Variants in IQCM observed in about 807,000 individuals in gnomAD.
IQCM encodes IQ motif containing M.
IQCM carries 45 observed loss-of-function variants against 57.6 expected under a neutral mutation model. The observed-to-expected ratio is 0.78, with a 90% CI of 0.62 to 1.00. IQCM has a LOEUF of 1.00. Ranked by LOEUF, IQCM falls within the 50% of genes least tolerant of loss-of-function variation. The probability of loss-of-function intolerance (pLI) is 0.00; values close to 1 mark genes in which losing one functional copy is unlikely to be tolerated. For synonymous variants in IQCM, 148 were observed against 158.9 expected, an observed-to-expected ratio of 0.93 and a Z score of 0.51; for missense variants, 468 against 511.6, an observed-to-expected ratio of 0.91 and a Z score of 0.82.
chr4:149,646,723 C>T (rs538871809), intron 7 of IQCM, among the ~76,000 whole-genome samples: 50 of 152,288 alleles, frequency 3.3e-4, no homozygotes, highest in Non-Finnish European at 6.0e-4. Context: ...GTGGCTCACG[C>T]CTGTAATCCC....
chr4:149,634,678 A>G (rs1003245755), intron 7 of IQCM, among the ~76,000 whole-genome samples: 2 of 152,222 alleles, frequency 1.3e-5, no homozygotes, highest in African/African-American at 4.8e-5. Flanking sequence ...GCAAAAAAAG[A>G]TGTAACAAAC....
At chr4:149,800,586 T>C (rs1008820178) in intron 2 of IQCM, among the ~76,000 whole-genome samples, 3 of 151,876 alleles carry the variant, frequency 2.0e-5, no homozygotes, top group Non-Finnish European at 4.4e-5. Flanking sequence ...AACCTTATAT[T>C]TGGAAAAACC....
intron 3 of IQCM, among the ~76,000 whole-genome samples, 186 bp from the exon 4 acceptor site, chr4:149,735,644 GA>G (rs1171453121): frequency 2.0e-5 from 3 of 152,002 alleles, no homozygotes; most frequent in Non-Finnish European, 4.4e-5. Flanking sequence ...CTTCAGTCCA[GA>G]AAAAACAAAG....
chr4:149,790,168 T>C, intron 2 of IQCM: 1 of 483,858 alleles, frequency 2.1e-6, no homozygotes, highest in South Asian at 4.1e-5. Flanking sequence ...TGAAAGAACA[T>C]GAAGAGAAAG....
chr4:149,526,549 T>C (rs1006522773), intron 12 of IQCM, among the ~76,000 whole-genome samples: 15 of 152,074 alleles, frequency 9.9e-5, no homozygotes, highest in African/African-American at 2.2e-4. Flanking sequence ...GCAGCCTGCT[T>C]ACATTACACA....
At chr4:149,381,739 ATGTATGT>A (rs1221824061) in intron 13 of IQCM, among the ~76,000 whole-genome samples, 2 of 151,492 alleles carry the variant, frequency 1.3e-5, no homozygotes, top group African/African-American at 4.9e-5. Flanking sequence ...GTATGTATGT[ATGTATGT>A]ATGTATGTAT....
At chr4:149,555,109 C>T (rs1472249071) in intron 10 of IQCM, among the ~76,000 whole-genome samples, 2 of 152,060 alleles carry the variant, frequency 1.3e-5, no homozygotes, top group Admixed American at 1.3e-4. Flanking sequence ...TACTACCCTC[C>T]TCTTCTCCTT....
chr4:149,683,333 A>C (rs1294132617), intron 6 of IQCM, among the ~76,000 whole-genome samples: 1 of 151,286 alleles, frequency 6.6e-6, no homozygotes, highest in Non-Finnish European at 1.5e-5. Context: ...AAAATTATAT[A>C]AATCTTACAT....
At position 149,797,721 on chromosome 4, in the gene IQCM, G is replaced by A. The variant is rs138530599; in HGVS notation, c.-49+17590C>T. Among the ~76,000 whole-genome samples, 810 of 151,746 alleles carry A rather than the reference G, an allele frequency of 5.3e-3. 6 individuals are homozygous for A. Among genetic ancestry groups the A allele is most frequent in the African/African-American group, 0.018 (752 of 41,408 alleles). ...ATAACATATAATAGAGGTGTAATAC[G>A]TCTAGCAGCAGACTTTTCAATGGAA... On this transcript the variant is annotated intron_variant, in intron 2 of 13. Transcript: ENST00000636793.
intron 2 of IQCM, among the ~76,000 whole-genome samples, chr4:149,755,782 G>A (rs542880879): frequency 1.3e-5 from 2 of 152,282 alleles, no homozygotes; most frequent in South Asian, 4.1e-4. Flanking sequence ...TGCACTTGAA[G>A]TTGAAGTATG....
At chr4:149,462,406 T>A (rs1277271832) in intron 12 of IQCM, among the ~76,000 whole-genome samples, 1 of 152,188 alleles carries the variant, frequency 6.6e-6, no homozygotes, top group African/African-American at 2.4e-5. Context: ...AAGCCCACTG[T>A]CCTCTTGTCC....
At chr4:149,392,189 T>C (rs1220935703) in intron 13 of IQCM, among the ~76,000 whole-genome samples, 3 of 151,966 alleles carry the variant, frequency 2.0e-5, no homozygotes, top group Non-Finnish European at 4.4e-5. Context: ...TAGATATTCT[T>C]TTTGGCAAAA....
At chr4:149,601,380 C>T (rs546475450) in intron 8 of IQCM, among the ~76,000 whole-genome samples, 15 of 152,078 alleles carry the variant, frequency 9.9e-5, no homozygotes, top group Non-Finnish European at 2.1e-4. Context: ...AACAATGACA[C>T]AATGAAACAA....
intron 5 of IQCM, among the ~76,000 whole-genome samples, chr4:149,700,766 C>T (rs2149812424): frequency 6.6e-6 from 1 of 152,086 alleles, no homozygotes; most frequent in Admixed American, 6.6e-5. Context: ...GTGAGTGATA[C>T]TTCTGACCAT....
intron 7 of IQCM, among the ~76,000 whole-genome samples, chr4:149,624,147 AGTGTGTGTGTGT>A (rs34626095): frequency 6.9e-6 from 1 of 144,574 alleles, no homozygotes; most frequent in Non-Finnish European, 1.5e-5. Context: ...ATGTGCCCCA[AGTGTGTGTGTGT>A]GTGTGTGTGT....
At chr4:149,457,655 T>C (rs1737840616) in intron 12 of IQCM, among the ~76,000 whole-genome samples, 1 of 152,028 alleles carries the variant, frequency 6.6e-6, no homozygotes, top group African/African-American at 2.4e-5. Flanking sequence ...TACAGAAGTA[T>C]GATCAAAATA....
intron 8 of IQCM, among the ~76,000 whole-genome samples, chr4:149,589,451 G>T (rs967664306): frequency 1.3e-5 from 2 of 151,950 alleles, no homozygotes; most frequent in African/African-American, 4.8e-5. Flanking sequence ...AAGATGAAAC[G>T]TGGAAGAAAG....
At chr4:149,813,023 C>G (rs1333218466) in intron 2 of IQCM, among the ~76,000 whole-genome samples, 1 of 152,146 alleles carries the variant, frequency 6.6e-6, no homozygotes, top group Non-Finnish European at 1.5e-5. Context: ...CCTCGGTGAA[C>G]TTTTTCATTG....
intron 12 of IQCM, among the ~76,000 whole-genome samples, chr4:149,465,459 T>A (rs1406261062): frequency 6.6e-6 from 1 of 152,148 alleles, no homozygotes; most frequent in African/African-American, 2.4e-5. Context: ...AACTGCATTC[T>A]AAGTACACAA....
Sources: allele counts gnomAD v4.1 joint callset (sites outside exome capture counted in the v4.1 genomes callset), GRCh38; gene constraint gnomAD v4.1.1; transcripts MANE v1.5; gene names NCBI Gene and HGNC (gene_info 2026-07-23, HGNC 2026-07-21).